NLRP1: variants seen among roughly 807,000 people sequenced by gnomAD.
NLRP1 encodes NACHT, LRR and PYD domains-containing protein 1.
A neutral mutation model predicts 136.7 loss-of-function variants in NLRP1; 94 were observed. The ratio of observed to expected loss-of-function variants is 0.69; its 90% confidence interval spans 0.58 to 0.82. The LOEUF (loss-of-function observed/expected upper bound fraction) is 0.82. Among genes scored for constraint, NLRP1 ranks in the 40% least tolerant of loss-of-function variants. NLRP1 has a pLI of 0.00. For synonymous variants in NLRP1, 690 were observed against 725.1 expected, an observed-to-expected ratio of 0.95 and a Z score of 0.78; for missense variants, 1,575 against 1,802.7, an observed-to-expected ratio of 0.87 and a Z score of 2.29.
In NLRP1 at chr17:5,553,954, A is replaced by C. The variant is rs959210493; in HGVS notation, c.2358-398T>G. Among the ~76,000 whole-genome samples the C allele has an allele frequency of 3.3e-5, 5 of 152,072 alleles. 1 individual carries two copies. The East Asian group carries it at 9.6e-4, about 29-fold the overall frequency. The stretch of plus-strand genomic sequence containing the variant: ...AAAAAATTTTTTAAAAAAATTTGAC[A>C]ATTTTAATTTAAAAAAAATTTGACA... On this transcript the variant is annotated intron_variant, in intron 4 of 16. Transcript: ENST00000572272.
At chr17:5,582,211 C>T in intron 2 of NLRP1, 149 bp from the exon 3 acceptor site, 1 of 724,986 alleles carries the variant, frequency 1.4e-6, no homozygotes, top group South Asian at 1.8e-5. Context: ...CAATTTTATT[C>T]TCTTAGTAGT....
chr17:5,536,212 G>A (rs1039930734), intron 8 of NLRP1, among the ~76,000 whole-genome samples: 6 of 151,804 alleles, frequency 4.0e-5, no homozygotes, highest in African/African-American at 1.5e-4. Context: ...GCAATGGCGT[G>A]ATCCTGGTTC....
intron 5 of NLRP1, among the ~76,000 whole-genome samples, chr17:5,548,300 G>C (rs755182953): frequency 6.6e-6 from 1 of 152,124 alleles, no homozygotes; most frequent in Non-Finnish European, 1.5e-5. Flanking sequence ...TGAAACCTAT[G>C]TTCCTACCTC....
chr17:5,538,210 C>T (rs1328956534), intron 7 of NLRP1, among the ~76,000 whole-genome samples: 1 of 152,110 alleles, frequency 6.6e-6, no homozygotes, highest in Non-Finnish European at 1.5e-5. Context: ...AGAAGCCACT[C>T]ATGGGCTTGC....
chr17:5,533,985 T>C lies in NLRP1; in HGVS notation c.2964A>G (p.Lys988=). The C allele has an allele frequency of 6.2e-7, 1 of 1,605,254 alleles. No homozygotes were observed. The highest frequency in any genetic ancestry group is 8.5e-7 in the Non-Finnish European group (1 of 1,171,942). The change falls in exon 9 of 17, where the codon AAA becomes AAG. Residue 988 remains lysine (K), a synonymous_variant. Transcript: ENST00000572272. ...CCTCAGTAGGGGTCATCACACTTGG[T>C]TTCCTGGACAAAGAATTGTTCATTC... ...KPQLLIFSRR[K]PSVMTPTEGL...
intron 3 of NLRP1, among the ~76,000 whole-genome samples, chr17:5,566,788 A>C (rs1461034778): frequency 6.6e-6 from 1 of 152,060 alleles, no homozygotes; most frequent in Non-Finnish European, 1.5e-5. Flanking sequence ...TATTGTATTG[A>C]GGCCTATCTC....
intron 12 of NLRP1, chr17:5,529,791 T>C (rs1367217765): frequency 3.1e-6 from 1 of 319,492 alleles, no homozygotes; most frequent in Non-Finnish European, 6.2e-6. Context: ...TACACACTTA[T>C]TTTATGTTCT....
Position 5,536,885 on chromosome 17 carries a change from G to C in NLRP1, c.2926C>G (p.Gln976Glu), listed in dbSNP as rs746257606. 8 of 1,613,614 alleles carry C rather than the reference G, an allele frequency of 5.0e-6. No homozygotes were observed. In the South Asian group the frequency reaches 8.8e-5, roughly 18 times the overall value. ...AAGATGAGCAGCTGAGGTTTCTCCT[G>C]CTCCAGGGCCCTCAGTTCCTGCCTC... ...EMRQELRALE[Q>E]EKPQLLIFSR... Residue 976 changes from glutamine to glutamate, a missense_variant, in exon 8 of 17, where the codon CAG (glutamine) becomes GAG (glutamate). Physicochemically the swap from Gln to Glu is conservative, Grantham distance 29 (BLOSUM62 2). Coordinates refer to ENST00000572272, the MANE Select transcript of NLRP1 (RefSeq NM_033004.4).
In NLRP1 at chr17:5,541,262, T is replaced by C. The variant is rs1250572857; in HGVS notation, c.2699+595A>G. Among the ~76,000 whole-genome samples, 1 of 152,160 alleles carries C rather than the reference T, an allele frequency of 6.6e-6. No individual in the cohort carries two copies. The highest frequency in any genetic ancestry group is 1.5e-5 in the Non-Finnish European group (1 of 68,010). ...GGTTTCACCATGTTGGCTAGGCTGG[T>C]CTGGAACTCCTGACCTCAAGTGATC... On this transcript the variant is annotated intron_variant, in intron 6 of 16. Transcript: ENST00000572272. This position sits in a 1 kb window ranked among gnomAD's most constrained non-coding sequence, Gnocchi z 4.2.
chr17:5,533,402 A>G lies in NLRP1; in HGVS notation c.3053-18T>C, dbSNP rs1338628031. On this transcript the variant is annotated intron_variant, in intron 9 of 16. Coordinates refer to ENST00000572272, the MANE Select transcript of NLRP1 (RefSeq NM_033004.4). ...CGCCCTCTCTACAGAAAAAAGAAAA[A>G]TATCAGCCAGGCATGGTGGTGAGCA... The G allele has an allele frequency of 7.8e-6, 7 of 902,200 alleles. No homozygotes were observed. The highest frequency in any genetic ancestry group is 6.6e-5 in the African/African-American group (4 of 60,634). The allele number at this position is 902,200 out of a possible 1,614,324, so 55.9% of individuals were successfully genotyped here. A position where few individuals can be genotyped will look rare whatever the true frequency, so the allele number is the denominator to read the frequency against.
chr17:5,511,866 TTCTC>T (rs1239168676), downstream of NLRP1, among the ~76,000 whole-genome samples: 2 of 150,486 alleles, frequency 1.3e-5, no homozygotes, highest in African/African-American at 2.5e-5. Flanking sequence ...TCCTTTTTCT[TTCTC>T]TCTCTTCTTT....
At chr17:5,578,524 T>A (rs1037455732) in intron 3 of NLRP1, among the ~76,000 whole-genome samples, 1 of 152,236 alleles carries the variant, frequency 6.6e-6, no homozygotes, top group East Asian at 1.9e-4. Context: ...TCATCATCAC[T>A]GGCCATTAGA....
At chr17:5,528,002 G>A (rs1305010433) in intron 12 of NLRP1, among the ~76,000 whole-genome samples, 1 of 152,228 alleles carries the variant, frequency 6.6e-6, no homozygotes, top group Non-Finnish European at 1.5e-5. Flanking sequence ...CTCGGGCCCT[G>A]GTGGTACATT....
chr17:5,538,907 G>A (rs1911463344), intron 7 of NLRP1, among the ~76,000 whole-genome samples: 1 of 152,112 alleles, frequency 6.6e-6, no homozygotes. Flanking sequence ...TTGAGACTGA[G>A]TCTCACTCTG....
intron 4 of NLRP1, among the ~76,000 whole-genome samples, chr17:5,553,994 G>C (rs941836840): frequency 6.6e-6 from 1 of 151,900 alleles, no homozygotes; most frequent in Non-Finnish European, 1.5e-5. Context: ...TCCTCCCTTT[G>C]ATGCAGACAC....
intron 11 of NLRP1, 34 bp downstream of exon 11, chr17:5,532,788 G>A: frequency 1.3e-6 from 2 of 1,549,422 alleles, no homozygotes; most frequent in Non-Finnish European, 8.7e-7. Context: ...GGTGCGGGAG[G>A]CCAGCCTGGG....
intron 8 of NLRP1, 58 bp from the exon 9 acceptor site, chr17:5,534,046 A>G (rs1910710746): frequency 1.7e-6 from 2 of 1,186,696 alleles, no homozygotes; most frequent in Admixed American, 1.7e-5. Context: ...GGCTGTCCAC[A>G]TGACATTCCC....
intron 12 of NLRP1, among the ~76,000 whole-genome samples, chr17:5,525,738 G>A (rs1474896879): frequency 2.0e-5 from 3 of 152,226 alleles, no homozygotes; most frequent in African/African-American, 4.8e-5. Context: ...TGCCCTCTCT[G>A]TGCATCATCT....
At chr17:5,546,544 G>A (rs1292028800) in intron 5 of NLRP1, among the ~76,000 whole-genome samples, 1 of 152,144 alleles carries the variant, frequency 6.6e-6, no homozygotes, top group South Asian at 2.1e-4. Flanking sequence ...CTTTGTCTGC[G>A]TAATGTGCTC....
Sources: allele counts gnomAD v4.1 joint callset (sites outside exome capture counted in the v4.1 genomes callset), GRCh38; gene constraint gnomAD v4.1.1; non-coding constraint Gnocchi (gnomAD v3.1); transcripts MANE v1.5; gene names NCBI Gene and HGNC (gene_info 2026-07-23, HGNC 2026-07-21).